Variants in NRXN1 observed in about 807,000 individuals in gnomAD.
The protein encoded by NRXN1 is neurexin 1.
In NRXN1, 39 loss-of-function variants were observed where a neutral mutation model predicts 150.9. The observed-to-expected ratio is 0.26, with a 90% CI of 0.20 to 0.34. The LOEUF (loss-of-function observed/expected upper bound fraction) is 0.34, where lower values mean the gene tolerates loss of function less well. Among genes scored for constraint, NRXN1 ranks in the 10% least tolerant of loss-of-function variants. NRXN1 has a pLI of 1.00. For missense variants in NRXN1, 1,815 were observed against 1,949.9 expected (o/e 0.93, Z 1.30); for synonymous variants, 924 against 757.0 (o/e 1.22, Z -3.62).
chr2:50,472,475 CAAG>C lies in NRXN1; in HGVS notation c.3071-7_3071-5del, dbSNP rs2104707133. The C allele has an allele frequency of 6.2e-7, 1 of 1,607,196 alleles. No individual in the cohort carries two copies. Among genetic ancestry groups the C allele is most frequent in the East Asian group, 2.2e-5 (1 of 44,700 alleles). On this transcript the variant is annotated splice_polypyrimidine_tract_variant and splice_region_variant and intron_variant, in intron 15 of 22. Transcript: ENST00000401669. ...ACTCCTCCTATATATAAGTCACCTG[CAAG>C]AAGATCAAAGTCTTTGTTACAAAAG...
chr2:50,357,427 G>A (rs146137402), intron 17 of NRXN1, among the ~76,000 whole-genome samples: 1 of 151,980 alleles, frequency 6.6e-6, no homozygotes, highest in South Asian at 2.1e-4. Flanking sequence ...TCCTGCCTCA[G>A]CCTCCTGAGT....
chr2:50,096,375 G>T (rs1573889077), intron 18 of NRXN1, among the ~76,000 whole-genome samples: 1 of 152,114 alleles, frequency 6.6e-6, no homozygotes, highest in African/African-American at 2.4e-5. Flanking sequence ...ATGTTTATAG[G>T]ATAGCAAGTC....
chr2:51,025,937 A>G (rs10195748), intron 2 of NRXN1, among the ~76,000 whole-genome samples: 26,703 of 152,122 alleles, frequency 0.18, 3,568 homozygotes, highest in African/African-American at 0.37. Flanking sequence ...ACAGAGCGCA[A>G]CAAAATAGCC....
chr2:50,360,957 ACT>A (rs1183515967), intron 17 of NRXN1, among the ~76,000 whole-genome samples: 6 of 152,154 alleles, frequency 3.9e-5, no homozygotes, highest in African/African-American at 1.4e-4. Context: ...GCATTAAGAA[ACT>A]CACTCAAAAC....
intron 17 of NRXN1, among the ~76,000 whole-genome samples, chr2:50,345,669 C>G (rs746645132): frequency 6.6e-6 from 1 of 152,198 alleles, no homozygotes; most frequent in Non-Finnish European, 1.5e-5. Context: ...TTAGAGGAAT[C>G]TGGCCTCACA....
chr2:50,333,143 C>G (rs1467540900), intron 17 of NRXN1, among the ~76,000 whole-genome samples: 3 of 152,168 alleles, frequency 2.0e-5, no homozygotes, highest in African/African-American at 4.8e-5. Flanking sequence ...CTACTCATCT[C>G]TTTGATCTTT....
At chr2:50,484,429 T>C (rs2090718143) in intron 15 of NRXN1, among the ~76,000 whole-genome samples, 1 of 152,180 alleles carries the variant, frequency 6.6e-6, no homozygotes, top group African/African-American at 2.4e-5. Context: ...GAAATGGAGA[T>C]ACTTAAAAGC....
At chr2:50,551,090 G>A (rs1373476112) in intron 9 of NRXN1, among the ~76,000 whole-genome samples, 1 of 137,704 alleles carries the variant, frequency 7.3e-6, no homozygotes, top group African/African-American at 2.7e-5. Context: ...GGAGGAGGAG[G>A]AGGAGGAGGA....
At chr2:49,928,046 A>T (rs1427784420) in intron 22 of NRXN1, among the ~76,000 whole-genome samples, 1 of 152,118 alleles carries the variant, frequency 6.6e-6, no homozygotes, top group African/African-American at 2.4e-5. Flanking sequence ...GACAATGGAA[A>T]TTCAGCTTTT....
At chr2:49,986,879 C>T (rs6731855) in intron 21 of NRXN1, among the ~76,000 whole-genome samples, 14,830 of 151,886 alleles carry the variant, frequency 0.098, 775 homozygotes, top group Middle Eastern at 0.21. Flanking sequence ...GCCTGGGCAA[C>T]ATGGCAAAAC....
At chr2:50,752,355 T>C (rs1217326385) in intron 5 of NRXN1, among the ~76,000 whole-genome samples, 1 of 151,892 alleles carries the variant, frequency 6.6e-6, no homozygotes, top group East Asian at 1.9e-4. Flanking sequence ...AATGATTTGG[T>C]TTTGTGATTA....
intron 18 of NRXN1, among the ~76,000 whole-genome samples, chr2:50,168,114 T>C (rs573058180): frequency 2.0e-5 from 3 of 152,254 alleles, no homozygotes; most frequent in African/African-American, 7.2e-5. Context: ...ATAAGAAGGA[T>C]GTGTCTCTGC....
At chr2:50,236,465 C>A (rs1454678131) in intron 18 of NRXN1, among the ~76,000 whole-genome samples, 1 of 151,182 alleles carries the variant, frequency 6.6e-6, no homozygotes, top group Non-Finnish European at 1.5e-5. Context: ...GTGGTATCTA[C>A]TAGGCAATAA....
At chr2:50,936,564 A>G (rs932010766) in intron 2 of NRXN1, among the ~76,000 whole-genome samples, 4 of 152,150 alleles carry the variant, frequency 2.6e-5, no homozygotes, top group African/African-American at 9.7e-5. Context: ...TAGCTTAGAC[A>G]ATGTATATCT....
At chr2:50,148,936 C>T (rs2058531217) in intron 18 of NRXN1, among the ~76,000 whole-genome samples, 2 of 151,616 alleles carry the variant, frequency 1.3e-5, no homozygotes, top group Admixed American at 1.3e-4. Context: ...ATGGGGGTGC[C>T]AGAGAGGGTT....
At chr2:50,920,584 C>T (rs1374834658) in intron 5 of NRXN1, among the ~76,000 whole-genome samples, 1 of 151,668 alleles carries the variant, frequency 6.6e-6, no homozygotes, top group Non-Finnish European at 1.5e-5. Context: ...CCCTCTATGC[C>T]ATCCCTAAGT....
At position 50,312,827 on chromosome 2, in the gene NRXN1, C is replaced by A. The variant is rs140690089; in HGVS notation, c.3365-75857G>T. The stretch of plus-strand genomic sequence containing the variant: ...ACAAACAATGGTAAAATTAAACCAC[C>A]CTCCATTTCCTGATCATATAATTTT... On this transcript the variant is annotated intron_variant, in intron 17 of 22. Coordinates refer to ENST00000401669, the MANE Select transcript of NRXN1 (RefSeq NM_001330078.2). The A allele has an allele frequency of 1.1e-3, 552 of 483,364 alleles. 3 individuals are homozygous for A. In the Middle Eastern group the frequency reaches 0.022, roughly 20 times the overall value. The allele number at this position is 483,364 out of a possible 1,614,324, so 29.9% of individuals were successfully genotyped here.
intron 8 of NRXN1, among the ~76,000 whole-genome samples, chr2:50,558,244 A>G (rs1387435662): frequency 1.3e-5 from 2 of 152,184 alleles, no homozygotes; most frequent in African/African-American, 2.4e-5. Flanking sequence ...TTATCAATAA[A>G]TATCTGGAGG....
Position 50,072,728 on chromosome 2 carries a change from A to G in NRXN1, c.3719-17684T>C, listed in dbSNP as rs547371868. ...TGCTTATCACTGAAGAAGAATGCCA[A>G]TTCCAAGCCCAACTTGGACATATAC... On this transcript the variant is annotated intron_variant, in intron 19 of 22. Coordinates refer to ENST00000401669, the MANE Select transcript of NRXN1 (RefSeq NM_001330078.2). Among the ~76,000 whole-genome samples, 3 of 152,270 alleles carry G rather than the reference A, an allele frequency of 2.0e-5. No individual in the cohort carries two copies. The South Asian group carries it at 6.2e-4, about 32-fold the overall frequency.
Sources: gnomAD v4.1 joint callset for allele counts (sites outside exome capture counted in the v4.1 genomes callset) on GRCh38, gnomAD v4.1.1 for gene constraint, MANE v1.5 for transcripts, NCBI Gene and HGNC (gene_info 2026-07-23, HGNC 2026-07-21) for gene names.